The following PHRF1 variants were observed in gnomAD, a reference collection of about 807,000 sequenced individuals.
PHRF1 encodes PHD and ring finger domains 1.
A neutral mutation model predicts 128.9 loss-of-function variants in PHRF1; 53 were observed. The observed-to-expected ratio is 0.41, with a 90% confidence interval of 0.33 to 0.52. PHRF1 has a LOEUF of 0.52. PHRF1 is among the 20% of genes least tolerant of loss of function. PHRF1 has a pLI of 0.21. For synonymous variants in PHRF1, 1,178 were observed against 980.6 expected (o/e 1.20, Z -3.76); for missense variants, 2,503 against 2,284.5 (o/e 1.10, Z -1.95).
chr11:607,436 T>C lies in PHRF1; in HGVS notation c.1980T>C (p.Ser660=), dbSNP rs1351260791. 3.1e-6 allele frequency: 5 copies of C among 1,612,720 alleles called. No individual in the cohort carries two copies. The Admixed American group carries it at 6.7e-5, about 21-fold the overall frequency. ...GAGATTCTAAGCCCCCATGTCGCAGTGTGGTGCCGGGGCCTCCCCTGAAGC... is the reference window on the plus strand; with the variant it reads ...GAGATTCTAAGCCCCCATGTCGCAGCGTGGTGCCGGGGCCTCCCCTGAAGC... The part of the protein sequence containing the change: ...SSRDSKPPCR[S]VVPGPPLKPA... The change falls in exon 14 of 18, where the codon AGT becomes AGC. Residue 660 remains serine (S), a synonymous_variant. Transcript: ENST00000264555.
intron 13 of PHRF1, 169 bp from the exon 14 acceptor site, chr11:606,897 C>A: frequency 8.7e-7 from 1 of 1,154,786 alleles, no homozygotes; most frequent in Non-Finnish European, 1.2e-6. Flanking sequence ...CACAGAGTGG[C>A]TGTTGAAGCA....
chr11:605,744 T>C lies in PHRF1; in HGVS notation c.1454+20T>C. ...TTCCAGGTGTGTGAGGGCAGAGGCT[T>C]CTGGGGAGGTGGGGGCAGCAGTTGG... On this transcript the variant is annotated intron_variant, in intron 12 of 17. Coordinates refer to ENST00000264555, the MANE Select transcript of PHRF1 (RefSeq NM_001286581.2). 11 of 1,596,006 alleles carry C rather than the reference T, an allele frequency of 6.9e-6. No homozygotes were observed. Among genetic ancestry groups the C allele is most frequent in the Non-Finnish European group, 9.4e-6 (11 of 1,175,694 alleles).
At chr11:582,264 CTTTTTTT>C (rs71022934) in intron 3 of PHRF1, among the ~76,000 whole-genome samples, 183 bp downstream of exon 3, 1 of 120,684 alleles carries the variant, frequency 8.3e-6, no homozygotes. Flanking sequence ...TACTTCATTT[CTTTTTTT>C]TTTTTTTTTT....
At position 608,511 on chromosome 11, in the gene PHRF1, TCTGGG is replaced by T. The variant is rs1856110625; in HGVS notation, c.3056_3060del (p.Ser1019TyrfsTer4). The T allele has an allele frequency of 6.9e-7, 1 of 1,448,082 alleles. No individual in the cohort carries two copies. Among genetic ancestry groups the T allele is most frequent in the African/African-American group, 2.1e-5 (1 of 48,512 alleles). The allele number at this position is 1,448,082 out of a possible 1,614,324, so 89.7% of individuals were successfully genotyped here. ...GTCCAGGGAGCACGGACGGACGCGCTCTGGGACGCGCTCTGAATCCAGGGACAGGA... is the reference window on the plus strand; with the variant it reads ...GTCCAGGGAGCACGGACGGACGCGCTACGCGCTCTGAATCCAGGGACAGGA... On this transcript the variant is annotated frameshift_variant, in exon 14 of 18. Transcript: ENST00000264555. LOFTEE classifies it high-confidence loss of function.
Position 608,651 on chromosome 11 carries a change from T to C in PHRF1, c.3195T>C (p.Ala1065=). The change falls in exon 14 of 18, where the codon GCT becomes GCC. Residue 1065 remains alanine, a synonymous_variant. Coordinates refer to ENST00000264555, the MANE Select transcript of PHRF1 (RefSeq NM_001286581.2). ...ACCGCTCCAGCAGCCGAGAGCGAGC[T>C]AAGAGGAAGAAAGCCAAGGACAAGA... ...SSDRSSSRER[A]KRKKAKDKSR... is the part of the protein sequence containing the mutation. 1.9e-6 allele frequency: 3 copies of C among 1,612,248 alleles called. No homozygotes were observed. Among genetic ancestry groups the C allele is most frequent in the Non-Finnish European group, 2.5e-6 (3 of 1,179,766 alleles).
chr11:592,360 T>C (rs1298238173), intron 5 of PHRF1, among the ~76,000 whole-genome samples, 199 bp from the exon 6 acceptor site: 1 of 152,224 alleles, frequency 6.6e-6, no homozygotes. Flanking sequence ...GTTGAATACT[T>C]TCCTCTTAGA....
intron 9 of PHRF1, among the ~76,000 whole-genome samples, chr11:599,521 G>A (rs1855508055): frequency 1.3e-5 from 2 of 152,146 alleles, no homozygotes; most frequent in Non-Finnish European, 2.9e-5. Context: ...AAAGTGCTGG[G>A]ATTACAGGCC....
chr11:599,588 C>A (rs117818025), intron 9 of PHRF1, among the ~76,000 whole-genome samples: 1 of 152,094 alleles, frequency 6.6e-6, no homozygotes. Context: ...TGAATGCACT[C>A]GCTTTAGTGT....
chr11:586,401 T>C (rs1306769297), intron 3 of PHRF1, among the ~76,000 whole-genome samples: 6 of 152,246 alleles, frequency 3.9e-5, no homozygotes, highest in African/African-American at 1.4e-4. Context: ...ATATTTCTGT[T>C]CTGGGTGTGT....
At chr11:587,531 C>T (rs1048663400) in intron 4 of PHRF1, 67 bp downstream of exon 4, 14 of 1,513,578 alleles carry the variant, frequency 9.2e-6, no homozygotes, top group Non-Finnish European at 1.3e-5. Flanking sequence ...GGTGACCCAG[C>T]CTGTGTTCAG....
chr11:602,137 C>T (rs930923883), intron 10 of PHRF1, among the ~76,000 whole-genome samples: 11 of 152,146 alleles, frequency 7.2e-5, no homozygotes, highest in Non-Finnish European at 4.4e-5. Flanking sequence ...CTCTTCTGAC[C>T]CATGTTCGCT....
rs764656820 is a variant in PHRF1, at chr11:609,243, G to C, written c.3787G>C (p.Asp1263His). 6.2e-7 allele frequency: 1 copy of C among 1,611,406 alleles called. No individual in the cohort carries two copies. The highest frequency in any genetic ancestry group is 1.1e-5 in the South Asian group (1 of 91,088). The stretch of plus-strand genomic sequence containing the variant: ...GGACGACCTGGACCTGGATTATGGC[G>C]ACTCCGTGGAGGCCGGACACGTCTT... ...EPDDLDLDYGDSVEAGHVFDD... is the reference protein window; with the variant it reads ...EPDDLDLDYGHSVEAGHVFDD... The change falls in exon 14 of 18, where the codon GAC (aspartate) becomes CAC (histidine). Residue 1263 changes from aspartate (D) to histidine (H), a missense_variant. Coordinates refer to ENST00000264555, the MANE Select transcript of PHRF1 (RefSeq NM_001286581.2).
rs527301822 is a variant in PHRF1 at position 608,104 on chromosome 11, C to T, written c.2648C>T (p.Thr883Met). ...GCTGTGCGCTGCGTCACCTCCTACA[C>T]GGTGGAGAGCATCTTTGGTACAGAG... Reference protein sequence around the residue: ...VQAVRCVTSYTVESIFGTEPE... With the variant: ...VQAVRCVTSYMVESIFGTEPE... Residue 883 changes from threonine (T) to methionine (M), a missense_variant, in exon 14 of 18, where the codon ACG becomes ATG. Physicochemically the swap from Thr to Met is moderately conservative, Grantham distance 81. Transcript: ENST00000264555. 2.2e-5 allele frequency: 36 copies of T among 1,611,858 alleles called. No homozygotes were observed. Among genetic ancestry groups the T allele is most frequent in the African/African-American group, 1.2e-4 (9 of 75,050 alleles).
chr11:610,902 A>G, intron 16 of PHRF1, 52 bp from the exon 17 acceptor site: 1 of 1,603,086 alleles, frequency 6.2e-7, no homozygotes. Context: ...GCCTCTGGCC[A>G]GAGGGACTCC....
intron 6 of PHRF1, among the ~76,000 whole-genome samples, chr11:594,336 G>A (rs949476464): frequency 2.6e-5 from 4 of 152,264 alleles, no homozygotes; most frequent in African/African-American, 4.8e-5. Context: ...GGCCAGGGCC[G>A]TGAGCCTTCT....
In PHRF1 at chr11:609,710, C is replaced by T. The variant is rs1220627143; in HGVS notation, c.4254C>T (p.Asp1418=). 1.3e-6 allele frequency: 2 copies of T among 1,492,642 alleles called. No homozygotes were observed. Among genetic ancestry groups the T allele is most frequent in the Non-Finnish European group, 1.8e-6 (2 of 1,125,858 alleles). 92.5% of individuals were successfully genotyped at this position (1,492,642 alleles called of 1,614,324 possible). ...CGGAGAGCAGCGCCCCCGCCGAGGA[C>T]AGAGCCCCCCGTGAGTAGTGCCCCG... ...QESESSAPAE[D]RAPRAPLHRP... Residue 1418 remains aspartate (D), a synonymous_variant, in exon 14 of 18, where the codon GAC becomes GAT. Transcript: ENST00000264555.
intron 14 of PHRF1, 74 bp downstream of exon 14, chr11:609,794 G>T: frequency 1.9e-6 from 2 of 1,049,904 alleles, no homozygotes; most frequent in Non-Finnish European, 2.5e-6. Context: ...CGAGGACAGA[G>T]CCCCCCGTGA....
Position 608,577 on chromosome 11 carries a change from C to T in PHRF1, c.3121C>T (p.Arg1041Cys), listed in dbSNP as rs372878846. ...RSASPSVGEE[R>C]PRRQRSKAKS... ...AGCGTCACCATCAGTGGGTGAGGAG[C>T]GCCCCAGGAGGCAGCGGTCCAAGGC... Residue 1041 changes from arginine (R) to cysteine (C), a missense_variant, in exon 14 of 18, where the codon CGC becomes TGC. By Grantham distance (180) the Arg-to-Cys change is radical (BLOSUM62 -3). Transcript: ENST00000264555. 28 of 1,612,056 alleles carry T rather than the reference C, an allele frequency of 1.7e-5. No individual in the cohort carries two copies. The highest frequency in any genetic ancestry group is 6.7e-5 in the East Asian group (3 of 44,882).
chr11:611,194 A>G, intron 17 of PHRF1, 112 bp downstream of exon 17: 1 of 1,513,148 alleles, frequency 6.6e-7, no homozygotes, highest in Admixed American at 2.2e-5. Context: ...GAGGTCAGCC[A>G]GCCAGGTTAG....
Sources: allele counts gnomAD v4.1 joint callset (sites outside exome capture counted in the v4.1 genomes callset), GRCh38; gene constraint gnomAD v4.1.1; transcripts MANE v1.5; gene names NCBI Gene and HGNC (gene_info 2026-07-23, HGNC 2026-07-21).